Variants in TRPM6 observed in about 807,000 individuals in gnomAD.
TRPM6 encodes channel kinase 2.
In TRPM6, 111 loss-of-function variants were observed where a neutral mutation model predicts 247.6. That is an observed-to-expected ratio of 0.45 (90% confidence interval 0.38 to 0.52). The LOEUF (loss-of-function observed/expected upper bound fraction) is 0.52, where lower values mean the gene tolerates loss of function less well. Ranked by LOEUF, TRPM6 falls within the 20% of genes least tolerant of loss-of-function variation. The probability of loss-of-function intolerance (pLI) is 0.00; values close to 1 mark genes in which losing one functional copy is unlikely to be tolerated. For missense variants in TRPM6, 2,126 were observed against 2,421.5 expected (o/e 0.88, Z 2.56); for synonymous variants, 892 against 853.8 (o/e 1.04, Z -0.78).
intron 27 of TRPM6, among the ~76,000 whole-genome samples, chr9:74,757,299 G>A (rs960549771): frequency 2.6e-5 from 4 of 152,126 alleles, no homozygotes; most frequent in African/African-American, 9.7e-5. Flanking sequence ...GAAATCAGAG[G>A]CTGGGCATGG....
intron 6 of TRPM6, among the ~76,000 whole-genome samples, chr9:74,831,421 C>T (rs1330009388): frequency 2.6e-5 from 4 of 152,106 alleles, no homozygotes; most frequent in East Asian, 3.9e-4. Context: ...ACCCAGGAGG[C>T]GGAGGTTGCA....
chr9:74,785,714 G>T (rs190971557), intron 21 of TRPM6, among the ~76,000 whole-genome samples, 160 bp downstream of exon 21: 19 of 152,102 alleles, frequency 1.2e-4, no homozygotes, highest in Admixed American at 2.6e-4. Context: ...TAGTAGAGAC[G>T]GGGTTTCACC....
chr9:74,738,276 C>T, intron 36 of TRPM6, 131 bp downstream of exon 36: 1 of 903,326 alleles, frequency 1.1e-6, no homozygotes, highest in Non-Finnish European at 1.8e-6. Flanking sequence ...TACAATGTCT[C>T]TGAAATAAAT....
chr9:74,876,912 T>C (rs1831207613), intron 1 of TRPM6, among the ~76,000 whole-genome samples: 1 of 152,216 alleles, frequency 6.6e-6, no homozygotes, highest in East Asian at 1.9e-4. Flanking sequence ...TCTGAAGCAC[T>C]GGATCAAAAA....
intron 23 of TRPM6, among the ~76,000 whole-genome samples, chr9:74,777,811 C>T (rs533993089): frequency 1.2e-4 from 19 of 152,290 alleles, no homozygotes; most frequent in Admixed American, 6.5e-4. Flanking sequence ...AAAAGCAGCA[C>T]AAATACTTTC....
chr9:74,733,794 A>G (rs1245235217), intron 36 of TRPM6, among the ~76,000 whole-genome samples: 1 of 152,036 alleles, frequency 6.6e-6, no homozygotes, highest in Non-Finnish European at 1.5e-5. Context: ...CCGACCTTAG[A>G]TGATCTGCCC....
intron 30 of TRPM6, among the ~76,000 whole-genome samples, chr9:74,749,610 A>C (rs1011156120): frequency 3.9e-5 from 6 of 152,270 alleles, no homozygotes; most frequent in Non-Finnish European, 7.3e-5. Context: ...AGTTCTCTTT[A>C]AACTGTTACT....
chr9:74,839,561 T>C (rs1829844776), intron 5 of TRPM6, among the ~76,000 whole-genome samples: 1 of 152,184 alleles, frequency 6.6e-6, no homozygotes, highest in Admixed American at 6.5e-5. Context: ...ACACACACTA[T>C]GCACTTGCAT....
chr9:74,828,625 T>G (rs1829436369), intron 6 of TRPM6, among the ~76,000 whole-genome samples: 1 of 150,204 alleles, frequency 6.7e-6, no homozygotes, highest in Middle Eastern at 3.2e-3. Context: ...TTTTTTTCCT[T>G]TCTTTCTTTT....
intron 1 of TRPM6, among the ~76,000 whole-genome samples, chr9:74,886,243 G>T (rs76100165): frequency 0.021 from 3,233 of 152,222 alleles, 131 homozygotes; most frequent in African/African-American, 0.075. Flanking sequence ...ACCCTAGATG[G>T]TTACCACTCC....
In TRPM6 at chr9:74,810,806, T is replaced by C; in HGVS notation, c.1497+9A>G. 1.2e-6 allele frequency: 2 copies of C among 1,613,142 alleles called. No homozygotes were observed. The highest frequency in any genetic ancestry group is 1.7e-6 in the Non-Finnish European group (2 of 1,179,178). On this transcript the variant is annotated intron_variant, in intron 13 of 38. Coordinates refer to ENST00000360774, the MANE Select transcript of TRPM6 (RefSeq NM_017662.5). ...CAAAGACATGTTCACGCCTTCTTAA[T>C]TAGGTTACCTGTTTCACATCTTGGA... is the stretch of plus-strand genomic sequence containing the variant.
intron 9 of TRPM6, among the ~76,000 whole-genome samples, chr9:74,819,087 C>A (rs986010269): frequency 6.6e-6 from 1 of 152,218 alleles, no homozygotes; most frequent in African/African-American, 2.4e-5. Context: ...ACAGGCAGAT[C>A]GCTTGAGGCC....
intron 36 of TRPM6, among the ~76,000 whole-genome samples, chr9:74,733,479 G>A (rs2118705128): frequency 6.6e-6 from 1 of 152,220 alleles, no homozygotes; most frequent in South Asian, 2.1e-4. Context: ...TTTACCACTT[G>A]TATATAGCAG....
At chr9:74,787,828 G>GC (rs1827750705) in intron 20 of TRPM6, among the ~76,000 whole-genome samples, 1 of 152,144 alleles carries the variant, frequency 6.6e-6, no homozygotes, top group African/African-American at 2.4e-5. Context: ...CAATTCTCCT[G>GC]CCTTAGCCTC....
intron 23 of TRPM6, among the ~76,000 whole-genome samples, chr9:74,777,289 T>G (rs983103808): frequency 1.3e-5 from 2 of 151,964 alleles, no homozygotes; most frequent in Middle Eastern, 3.2e-3. Flanking sequence ...TTTTGGGGGT[T>G]GGTTGGTTGG....
At chr9:74,756,911 C>T (rs141324662) in intron 27 of TRPM6, among the ~76,000 whole-genome samples, 191 of 151,778 alleles carry the variant, frequency 1.3e-3, no homozygotes, top group Middle Eastern at 6.8e-3. Flanking sequence ...CCTTAACAAA[C>T]TAGAGGCTGG....
chr9:74,883,018 C>T (rs1831411976), intron 1 of TRPM6, among the ~76,000 whole-genome samples: 1 of 152,154 alleles, frequency 6.6e-6, no homozygotes, highest in African/African-American at 2.4e-5. Context: ...AACAACTAAA[C>T]ATTTCCCCTC....
At chr9:74,766,377 C>T (rs1174647399) in intron 25 of TRPM6, among the ~76,000 whole-genome samples, 1 of 152,168 alleles carries the variant, frequency 6.6e-6, no homozygotes, top group Non-Finnish European at 1.5e-5. Context: ...TTAGTTTCCT[C>T]CATGCAAGGT....
chr9:74,750,649 T>C lies in TRPM6; in HGVS notation c.5057+15A>G, dbSNP rs368892406. ...AGCCAAAGATTCTTAAACATAAACATTTAGAAATACTCACAGGGAGTTCCT... is the reference window on the plus strand; with the variant it reads ...AGCCAAAGATTCTTAAACATAAACACTTAGAAATACTCACAGGGAGTTCCT... On this transcript the variant is annotated intron_variant, in intron 30 of 38. Transcript: ENST00000360774. 183 of 1,612,192 alleles carry C rather than the reference T, an allele frequency of 1.1e-4. 1 individual carries two copies. Among genetic ancestry groups the C allele is most frequent in the South Asian group, 8.2e-4 (75 of 91,054 alleles).
Sources: allele counts gnomAD v4.1 joint callset (sites outside exome capture counted in the v4.1 genomes callset), GRCh38; gene constraint gnomAD v4.1.1; transcripts MANE v1.5; gene names NCBI Gene and HGNC (gene_info 2026-07-23, HGNC 2026-07-21).